Variants in TRA2B observed in about 807,000 individuals in gnomAD.
The protein encoded by TRA2B is transformer-2 protein homolog beta.
TRA2B carries 14 observed loss-of-function variants against 41.7 expected under a neutral mutation model. The observed-to-expected ratio is 0.34, with a 90% CI of 0.22 to 0.53. The LOEUF (loss-of-function observed/expected upper bound fraction) is 0.53. Among genes scored for constraint, TRA2B ranks in the 20% least tolerant of loss-of-function variants. TRA2B has a pLI of 0.95. For missense variants in TRA2B, 167 were observed against 396.8 expected (o/e 0.42, Z 4.92); for synonymous variants, 130 against 128.8 (o/e 1.01, Z -0.06).
At chr3:185,921,212 GA>G (rs772775294) in intron 5 of TRA2B, 25 bp from the exon 6 acceptor site, 19 of 1,603,138 alleles carry the variant, frequency 1.2e-5, no homozygotes, top group Admixed American at 3.3e-5. Flanking sequence ...ATATTCAGGT[GA>G]CCTCCCTTAT....
chr3:185,924,250 T>C (rs1743854104), intron 3 of TRA2B: 2 of 300,012 alleles, frequency 6.7e-6, no homozygotes, highest in Non-Finnish European at 1.2e-5. Context: ...ACTTGGCATC[T>C]TTCCTTCTAT....
At chr3:185,933,732 GA>G (rs1216743379) in intron 1 of TRA2B, among the ~76,000 whole-genome samples, 1 of 151,896 alleles carries the variant, frequency 6.6e-6, no homozygotes, top group Admixed American at 6.6e-5. Context: ...ATAGTGTCTG[GA>G]AAAAAACATC....
At position 185,938,012 on chromosome 3, in the gene TRA2B, T is replaced by A; in HGVS notation, c.-152A>T. 1.2e-6 allele frequency: 1 copy of A among 829,726 alleles called. No individual in the cohort carries two copies. The highest frequency in any genetic ancestry group is 1.9e-6 in the Non-Finnish European group (1 of 529,186). 51.4% of individuals were successfully genotyped at this position (829,726 alleles called of 1,614,324 possible). A position where few individuals can be genotyped will look rare whatever the true frequency, so the allele number is the denominator to read the frequency against. ...TGCTCCGCACCGCCTCCGCACGGGC[T>A]CTAACTCTACCGGATGTGACGCGGC... On this transcript the variant is annotated 5_prime_UTR_variant, in exon 1 of 9. Coordinates refer to ENST00000453386, the MANE Select transcript of TRA2B (RefSeq NM_004593.3).
intron 1 of TRA2B, among the ~76,000 whole-genome samples, chr3:185,929,660 G>C (rs566583756): frequency 6.6e-6 from 1 of 152,098 alleles, no homozygotes; most frequent in Non-Finnish European, 1.5e-5. Context: ...CCTATTCTGA[G>C]AACAGCAACC....
chr3:185,926,365 G>C (rs953310457), intron 2 of TRA2B, among the ~76,000 whole-genome samples: 1 of 152,070 alleles, frequency 6.6e-6, no homozygotes, highest in Non-Finnish European at 1.5e-5. Context: ...CTTTTATAAA[G>C]AAGCTAAAGC....
chr3:185,929,788 C>T (rs557081755), intron 1 of TRA2B, among the ~76,000 whole-genome samples: 2 of 152,294 alleles, frequency 1.3e-5, no homozygotes, highest in East Asian at 3.9e-4. Context: ...TCTTAAAACA[C>T]TGTTTATCAT....
chr3:185,926,577 A>G, intron 2 of TRA2B, 24 bp downstream of exon 2: 1 of 1,612,940 alleles, frequency 6.2e-7, no homozygotes, highest in Non-Finnish European at 8.5e-7. Flanking sequence ...AGTAACGAGG[A>G]AATCTCAAGA....
Position 185,917,620 on chromosome 3 carries a change from T to G in TRA2B, c.*95A>C. The G allele has an allele frequency of 7.3e-7, 1 of 1,378,436 alleles. No individual in the cohort carries two copies. The highest frequency in any genetic ancestry group is 1.2e-5 in the South Asian group (1 of 81,908). 85.4% of individuals were successfully genotyped at this position (1,378,436 alleles called of 1,614,324 possible). ...AGGTGTAAAAGTCACCTAACTTCAC[T>G]AGGCACTGTTCACTTTTTAAACAAG... On this transcript the variant is annotated 3_prime_UTR_variant, in exon 9 of 9. Transcript: ENST00000453386.
intron 6 of TRA2B, 67 bp from the exon 7 acceptor site, chr3:185,919,563 T>C: frequency 1.5e-6 from 2 of 1,364,260 alleles, no homozygotes; most frequent in South Asian, 1.3e-5. Context: ...ATGTCATTCA[T>C]TTAGTAAAAT....
chr3:185,931,202 G>A (rs1393555656), intron 1 of TRA2B, among the ~76,000 whole-genome samples: 3 of 152,186 alleles, frequency 2.0e-5, no homozygotes, highest in Non-Finnish European at 4.4e-5. Context: ...ACATTGCTCA[G>A]TACTGAAGGA....
intron 1 of TRA2B, among the ~76,000 whole-genome samples, chr3:185,930,854 A>G (rs934224860): frequency 2.6e-5 from 4 of 152,234 alleles, no homozygotes; most frequent in African/African-American, 9.6e-5. Context: ...ATCTGCCATT[A>G]CTGCAATTTG....
At chr3:185,934,868 CA>C (rs1235069259) in intron 1 of TRA2B, 9 of 985,250 alleles carry the variant, frequency 9.1e-6, no homozygotes, top group Non-Finnish European at 3.6e-6. Context: ...ATCGGCTTTA[CA>C]AAAATAATAG....
In TRA2B at chr3:185,916,416, T is replaced by G. The variant is rs572699344; in HGVS notation, c.*1299A>C. 1 of 152,236 alleles carries G rather than the reference T, an allele frequency of 6.6e-6. No individual in the cohort carries two copies. The highest frequency in any genetic ancestry group is 1.5e-5 in the Non-Finnish European group (1 of 68,048). The allele number at this position is 152,236 out of a possible 1,614,324, so 9.4% of individuals were successfully genotyped here. A position where few individuals can be genotyped will look rare whatever the true frequency, so the allele number is the denominator to read the frequency against. Reference sequence around the variant, plus strand: ...ACTAATACCTAGATGCGATAAAGGTTAGCAAGGCAACAAAATAACCCACCT... The same window carrying G: ...ACTAATACCTAGATGCGATAAAGGTGAGCAAGGCAACAAAATAACCCACCT... On this transcript the variant is annotated 3_prime_UTR_variant, in exon 9 of 9. Coordinates refer to ENST00000453386, the MANE Select transcript of TRA2B (RefSeq NM_004593.3).
chr3:185,934,509 G>C, intron 1 of TRA2B: 1 of 985,280 alleles, frequency 1.0e-6, no homozygotes, highest in Non-Finnish European at 1.2e-6. Flanking sequence ...AAGCATTCTT[G>C]TTTAAAACCA....
rs1013759283 is a variant in TRA2B, at chr3:185,919,487, A to G, written c.732T>C (p.Gly244=). 6.2e-7 allele frequency: 1 copy of G among 1,611,832 alleles called. No homozygotes were observed. Among genetic ancestry groups the G allele is most frequent in the East Asian group, 2.2e-5 (1 of 44,780 alleles). The change falls in exon 7 of 9, where the codon GGT becomes GGC. Residue 244 remains glycine (G), a synonymous_variant. Coordinates refer to ENST00000453386, the MANE Select transcript of TRA2B (RefSeq NM_004593.3). ...CAGCTCTCCATCCTCCTCCTCCTCC[A>G]CCTCCTCCTCTGTGAAGACAGAAAG... ...DYYSRSYRGG[G]GGGGGWRAAQ... is the part of the protein sequence containing the mutation.
intron 1 of TRA2B, among the ~76,000 whole-genome samples, chr3:185,930,947 C>A (rs1056349111): frequency 1.3e-5 from 2 of 152,182 alleles, no homozygotes; most frequent in African/African-American, 2.4e-5. Flanking sequence ...AGTCAATCAG[C>A]TGAAATAGGC....
At chr3:185,923,632 C>T in intron 4 of TRA2B, 164 bp downstream of exon 4, 1 of 567,032 alleles carries the variant, frequency 1.8e-6, no homozygotes, top group Non-Finnish European at 2.8e-6. Flanking sequence ...CCAAGTTATA[C>T]AAAATTTTGT....
At chr3:185,935,293 G>C (rs1744304331) in intron 1 of TRA2B, 5 of 985,410 alleles carry the variant, frequency 5.1e-6, no homozygotes, top group Non-Finnish European at 6.0e-6. Context: ...GGTTAAGCCT[G>C]CTAATTAGAC....
chr3:185,922,195 A>G (rs1029326125), intron 4 of TRA2B, 69 bp from the exon 5 acceptor site: 49 of 1,127,002 alleles, frequency 4.3e-5, no homozygotes, highest in East Asian at 2.4e-5. Flanking sequence ...GGCTATGAGT[A>G]AGATCCCACT....
Sources: allele counts gnomAD v4.1 joint callset (sites outside exome capture counted in the v4.1 genomes callset), GRCh38; gene constraint gnomAD v4.1.1; transcripts MANE v1.5; gene names NCBI Gene and HGNC (gene_info 2026-07-23, HGNC 2026-07-21).